The following AMHR2 variants were observed in gnomAD, a reference collection of about 807,000 sequenced individuals.
The protein encoded by AMHR2 is anti-Muellerian hormone type-2 receptor.
AMHR2 carries 36 observed loss-of-function variants against 61.4 expected under a neutral mutation model. That is an observed-to-expected ratio of 0.59 (90% CI 0.45 to 0.77). The LOEUF is 0.77. AMHR2 is among the 30% of genes least tolerant of loss of function. The pLI is 0.00. For synonymous variants in AMHR2, 258 were observed against 279.4 expected, an observed-to-expected ratio of 0.92 and a Z score of 0.76; for missense variants, 638 against 714.6, an observed-to-expected ratio of 0.89 and a Z score of 1.22.
In AMHR2 at chr12:53,430,162, C is replaced by T; in HGVS notation, c.1305C>T (p.Pro435=). The change falls in exon 10 of 11, where the codon CCC becomes CCT. Residue 435 remains proline (P), a synonymous_variant. Coordinates refer to ENST00000257863, the MANE Select transcript of AMHR2 (RefSeq NM_020547.3). ...TTCCTCCAGACAGCAGTCCACCACCCTTCCAACTGGCCTATGAGGCAGAAC... is the reference window on the plus strand; with the variant it reads ...TTCCTCCAGACAGCAGTCCACCACCTTTCCAACTGGCCTATGAGGCAGAAC... ...PDLRPDSSPP[P]FQLAYEAELG... is the part of the protein sequence containing the mutation. The T allele has an allele frequency of 6.2e-7, 1 of 1,614,204 alleles. No individual in the cohort carries two copies. The highest frequency in any genetic ancestry group is 8.5e-7 in the Non-Finnish European group (1 of 1,180,032).
At chr12:53,424,201 C>A in intron 1 of AMHR2, 87 bp from the exon 2 acceptor site, 1 of 1,543,294 alleles carries the variant, frequency 6.5e-7, no homozygotes, top group Non-Finnish European at 8.9e-7. Context: ...GGATGTGGAA[C>A]ATGTTTTGTC....
rs553149864 is a variant in AMHR2 at position 53,427,334 on chromosome 12, G to A, written c.852+1415G>A. Among the ~76,000 whole-genome samples, 46 of 152,292 alleles carry A rather than the reference G, an allele frequency of 3.0e-4. No homozygotes were observed. In the South Asian group the frequency reaches 9.5e-3, roughly 32 times the overall value. On this transcript the variant is annotated intron_variant, in intron 6 of 10. Coordinates refer to ENST00000257863, the MANE Select transcript of AMHR2 (RefSeq NM_020547.3). ...CCTGTGGGCCTGTTAAATATTTGGG[G>A]CTTTTTAAGTTTTCATACCATTTCC...
intron 3 of AMHR2, 68 bp downstream of exon 3, chr12:53,424,968 G>A (rs904989016): frequency 1.3e-6 from 2 of 1,570,602 alleles, no homozygotes; most frequent in African/African-American, 1.3e-5. Flanking sequence ...GGTGGAACCA[G>A]GGCCAGTTCT....
In AMHR2 at chr12:53,425,865, G is replaced by A. The variant is rs1384517962; in HGVS notation, c.798G>A (p.Gly266=). ...TCCGATTTATCACTGCCAGCCGGGG[G>A]GGTCCTGGCCGCCTGCTCTCTGGGC... ...HIVRFITASR[G]GPGRLLSGPL... Residue 266 remains glycine (G), a synonymous_variant, in exon 6 of 11, where the codon GGG becomes GGA. Coordinates refer to ENST00000257863, the MANE Select transcript of AMHR2 (RefSeq NM_020547.3). 3.1e-6 allele frequency: 5 copies of A among 1,614,000 alleles called. No homozygotes were observed. The highest frequency in any genetic ancestry group is 2.2e-5 in the South Asian group (2 of 91,088).
At position 53,425,233 on chromosome 12, in the gene AMHR2, A is replaced by G. The variant is rs755322151; in HGVS notation, c.493A>G (p.Ile165Val). The change falls in exon 4 of 11, where the codon ATC (isoleucine) becomes GTC (valine). Residue 165 changes from isoleucine (I) to valine (V), a missense_variant. Coordinates refer to ENST00000257863, the MANE Select transcript of AMHR2 (RefSeq NM_020547.3). ...FLLLLLLLGS[I>V]ILALLQRKNY... ...CCTCCTCCTGCTGCTGCTGGGCAGC[A>G]TCATCTTGGGTACTAATCCACCCCA... The G allele has an allele frequency of 5.0e-6, 8 of 1,613,528 alleles. No homozygotes were observed. Among genetic ancestry groups the G allele is most frequent in the Non-Finnish European group, 6.8e-6 (8 of 1,179,980 alleles).
chr12:53,431,061 A>G, intron 10 of AMHR2, 116 bp from the exon 11 acceptor site: 1 of 1,311,770 alleles, frequency 7.6e-7, no homozygotes, highest in Non-Finnish European at 1.1e-6. Flanking sequence ...AGGCTCCAGG[A>G]AAGATCAGAA....
chr12:53,425,131 G>A, intron 3 of AMHR2, 34 bp from the exon 4 acceptor site: 1 of 1,612,732 alleles, frequency 6.2e-7, no homozygotes, highest in African/African-American at 1.3e-5. Context: ...TTGGGTCAGT[G>A]CTCTCCAGCC....
intron 2 of AMHR2, 62 bp from the exon 3 acceptor site, chr12:53,424,647 C>A: frequency 6.4e-7 from 1 of 1,558,348 alleles, no homozygotes; most frequent in Non-Finnish European, 8.8e-7. Context: ...GTTTCCACAC[C>A]CCATTGTGCT....
At position 53,425,897 on chromosome 12, in the gene AMHR2, T is replaced by TG; in HGVS notation, c.832dup (p.Val278GlyfsTer20). The TG allele has an allele frequency of 1.9e-6, 3 of 1,614,070 alleles. No homozygotes were observed. Among genetic ancestry groups the TG allele is most frequent in the Non-Finnish European group, 2.5e-6 (3 of 1,180,028 alleles). On this transcript the variant is annotated frameshift_variant, in exon 6 of 11. Coordinates refer to ENST00000257863, the MANE Select transcript of AMHR2 (RefSeq NM_020547.3). LOFTEE classifies it high-confidence loss of function. ...GGCCGCCTGCTCTCTGGGCCCCTGC[T>TG]GGTACTGGAACTGCATCCCAAGGTG...
chr12:53,431,072 G>A (rs1287242432), intron 10 of AMHR2, 105 bp from the exon 11 acceptor site: 2 of 1,375,988 alleles, frequency 1.5e-6, no homozygotes, highest in Non-Finnish European at 2.1e-6. Context: ...AAGATCAGAA[G>A]TGGATGTTGA....
At chr12:53,429,734 T>C in intron 8 of AMHR2, 97 bp from the exon 9 acceptor site, 1 of 1,601,504 alleles carries the variant, frequency 6.2e-7, no homozygotes, top group Admixed American at 1.7e-5. Context: ...ATTTGGGACA[T>C]TGCTGAGTCT....
At chr12:53,424,133 C>A in intron 1 of AMHR2, 150 bp downstream of exon 1, 1 of 1,306,342 alleles carries the variant, frequency 7.7e-7, no homozygotes, top group Non-Finnish European at 1.1e-6. Flanking sequence ...TGGCAGGGCT[C>A]AGGTTCCAGG....
At position 53,431,654 on chromosome 12, in the gene AMHR2, A is replaced by G. The variant is rs1214759838; in HGVS notation, c.*181A>G. ...TAGGTGTGCACAGGAAAGAGAATAA[A>G]GTCAGCTTTCCTGATGCATATCCTT... On this transcript the variant is annotated 3_prime_UTR_variant, in exon 11 of 11. Coordinates refer to ENST00000257863, the MANE Select transcript of AMHR2 (RefSeq NM_020547.3). 1.3e-6 allele frequency: 1 copy of G among 745,360 alleles called. No homozygotes were observed. Among genetic ancestry groups the G allele is most frequent in the African/African-American group, 1.7e-5 (1 of 57,794 alleles). 46.2% of individuals were successfully genotyped at this position (745,360 alleles called of 1,614,324 possible).
intron 1 of AMHR2, 48 bp downstream of exon 1, chr12:53,424,031 G>A: frequency 6.2e-7 from 1 of 1,607,552 alleles, no homozygotes; most frequent in Non-Finnish European, 8.5e-7. Context: ...ATCCAGCAAG[G>A]GAAAGGGGCG....
chr12:53,425,118 G>C, intron 3 of AMHR2, 47 bp from the exon 4 acceptor site: 2 of 1,611,734 alleles, frequency 1.2e-6, no homozygotes, highest in Non-Finnish European at 1.7e-6. Context: ...GCAGAGAGCA[G>C]GTTTGGGTCA....
At chr12:53,426,890 C>T (rs551876274) in intron 6 of AMHR2, among the ~76,000 whole-genome samples, 124 of 150,184 alleles carry the variant, frequency 8.3e-4, no homozygotes, top group African/African-American at 2.9e-3. Flanking sequence ...ACCATGTTGG[C>T]CAGGCTGGTT....
chr12:53,424,501 C>T (rs1467680571), intron 2 of AMHR2, 31 bp downstream of exon 2: 2 of 1,605,332 alleles, frequency 1.2e-6, no homozygotes, highest in Non-Finnish European at 1.7e-6. Context: ...CAGGTGATGG[C>T]TAGGGTGGGA....
At position 53,425,281 on chromosome 12, in the gene AMHR2, C is replaced by T; in HGVS notation, c.502+39C>T. On this transcript the variant is annotated intron_variant, in intron 4 of 10. Coordinates refer to ENST00000257863, the MANE Select transcript of AMHR2 (RefSeq NM_020547.3). ...CCATCCCTCCCTTGTGACCCCAAGA[C>T]ATTGCCCCAAAAGCTCTGACCCCTC... 1.9e-6 allele frequency: 3 copies of T among 1,611,338 alleles called. No homozygotes were observed. In the South Asian group the frequency reaches 3.3e-5, roughly 18 times the overall value.
chr12:53,424,957 AGGTGGAACCAGGGCCAGTTCT>A, intron 3 of AMHR2, 57 bp downstream of exon 3: 1 of 1,574,678 alleles, frequency 6.4e-7, no homozygotes, highest in Non-Finnish European at 8.6e-7. Context: ...TTAGGATGAG[AGGTGGAACCAGGGCCAGTTCT>A]CACCCTACTC....
Sources: allele counts gnomAD v4.1 joint callset (sites outside exome capture counted in the v4.1 genomes callset), GRCh38; gene constraint gnomAD v4.1.1; transcripts MANE v1.5; gene names NCBI Gene and HGNC (gene_info 2026-07-23, HGNC 2026-07-21).